Variants in ITGA8 observed in about 807,000 individuals in gnomAD.
The protein encoded by ITGA8 is integrin alpha-8.
ITGA8 carries 91 observed loss-of-function variants against 142.3 expected under a neutral mutation model. The observed-to-expected ratio is 0.64, with a 90% CI of 0.54 to 0.76. ITGA8 has a LOEUF of 0.76. Ranked by LOEUF, ITGA8 falls within the 30% of genes least tolerant of loss-of-function variation. The probability of loss-of-function intolerance (pLI) is 0.00; values close to 1 mark genes in which losing one functional copy is unlikely to be tolerated. For synonymous variants in ITGA8, 505 were observed against 485.2 expected (o/e 1.04, Z -0.54); for missense variants, 1,406 against 1,327.7 (o/e 1.06, Z -0.92).
chr10:15,680,216 C>CTTTTTTT (rs71374638), intron 4 of ITGA8, among the ~76,000 whole-genome samples: 7 of 54,274 alleles, frequency 1.3e-4, no homozygotes, highest in African/African-American at 5.8e-4. Flanking sequence ...CCAGATGCTC[C>CTTTTTTT]TTTTTTTTTT....
chr10:15,671,530 G>T (rs1299164584), intron 8 of ITGA8, 73 bp downstream of exon 8: 1 of 1,262,530 alleles, frequency 7.9e-7, no homozygotes, highest in Non-Finnish European at 1.2e-6. Flanking sequence ...CACATTGATA[G>T]AAAAAACTTT....
At chr10:15,593,500 A>G (rs571911228) in intron 21 of ITGA8, among the ~76,000 whole-genome samples, 11 of 152,344 alleles carry the variant, frequency 7.2e-5, no homozygotes, top group African/African-American at 2.4e-4. Flanking sequence ...TCACAGAGCT[A>G]GAATTTAAAT....
chr10:15,680,251 G>A (rs1215455795), intron 4 of ITGA8, among the ~76,000 whole-genome samples: 4 of 110,706 alleles, frequency 3.6e-5, no homozygotes, highest in Middle Eastern at 8.3e-3. Flanking sequence ...TTTTTGAGAT[G>A]GAGTCTCCCT....
rs532473205 is a variant in ITGA8, at chr10:15,650,156, C to A, written c.1002-3105G>T. On this transcript the variant is annotated intron_variant, in intron 11 of 29. Transcript: ENST00000378076. ...ATGGAGGAACCTCAAATATACATTG[C>A]TCAGTTAAAGAAGCCAATCTGAAAA... Among the ~76,000 whole-genome samples, 3 of 152,214 alleles carry A rather than the reference C, an allele frequency of 2.0e-5. No homozygotes were observed. The South Asian group carries it at 6.2e-4, about 32-fold the overall frequency.
At chr10:15,543,743 C>T (rs1342229131) in intron 27 of ITGA8, among the ~76,000 whole-genome samples, 1 of 152,138 alleles carries the variant, frequency 6.6e-6, no homozygotes, top group Non-Finnish European at 1.5e-5. Flanking sequence ...TGAATAATGT[C>T]TTACCCAAAT....
In ITGA8 at chr10:15,515,708, A is replaced by T. The variant is rs1456052347; in HGVS notation, c.*1450T>A. On this transcript the variant is annotated 3_prime_UTR_variant, in exon 30 of 30. Transcript: ENST00000378076. Reference sequence around the variant, plus strand: ...CAGTATTTCTTCATAGTAATTTTTCATTATTAAAAAAGGATACAAAATTGT... The same window carrying T: ...CAGTATTTCTTCATAGTAATTTTTCTTTATTAAAAAAGGATACAAAATTGT... The T allele has an allele frequency of 6.6e-6, 1 of 152,176 alleles. No homozygotes were observed. The highest frequency in any genetic ancestry group is 6.5e-5 in the Admixed American group (1 of 15,270). 9.4% of individuals were successfully genotyped at this position (152,176 alleles called of 1,614,324 possible). A position where few individuals can be genotyped will look rare whatever the true frequency, so the allele number is the denominator to read the frequency against.
intron 4 of ITGA8, among the ~76,000 whole-genome samples, chr10:15,679,118 G>T (rs1198705127): frequency 6.6e-6 from 1 of 152,018 alleles, no homozygotes; most frequent in Admixed American, 6.6e-5. Context: ...AGGCAATAAC[G>T]TGTCTCTCTT....
chr10:15,552,285 C>T (rs1833804935), intron 26 of ITGA8, among the ~76,000 whole-genome samples: 2 of 152,046 alleles, frequency 1.3e-5, no homozygotes, highest in African/African-American at 2.4e-5. Flanking sequence ...TACAGGCGTC[C>T]GCCACCAGGC....
At chr10:15,685,074 G>A (rs1004255392) in intron 3 of ITGA8, among the ~76,000 whole-genome samples, 2 of 152,178 alleles carry the variant, frequency 1.3e-5, no homozygotes, top group Non-Finnish European at 2.9e-5. Flanking sequence ...TCTTATGCCT[G>A]TTTTAGCAAT....
At chr10:15,580,472 T>C (rs79610226) in intron 23 of ITGA8, among the ~76,000 whole-genome samples, 1,710 of 152,220 alleles carry the variant, frequency 0.011, 45 homozygotes, top group African/African-American at 0.039. Context: ...AAAAAGATAT[T>C]GCGAGAAAGG....
intron 3 of ITGA8, among the ~76,000 whole-genome samples, chr10:15,686,311 TC>T (rs1477723897): frequency 6.6e-6 from 1 of 152,228 alleles, no homozygotes; most frequent in Admixed American, 6.5e-5. Context: ...CCCAAAACTC[TC>T]TAACTCTTCT....
chr10:15,658,318 A>C, intron 10 of ITGA8, among the ~76,000 whole-genome samples: 1 of 152,110 alleles, frequency 6.6e-6, no homozygotes. Context: ...TCTTACATCA[A>C]AACCTTCAGG....
intron 2 of ITGA8, among the ~76,000 whole-genome samples, chr10:15,717,783 C>T (rs1449738255): frequency 6.6e-6 from 1 of 152,068 alleles, no homozygotes. Flanking sequence ...ATAAAAGATA[C>T]AAATTATAGT....
intron 27 of ITGA8, among the ~76,000 whole-genome samples, chr10:15,538,375 G>A (rs1394174013): frequency 6.6e-6 from 1 of 152,068 alleles, no homozygotes; most frequent in Admixed American, 6.5e-5. Flanking sequence ...AGCTGGGCAT[G>A]ATGGCGGGTG....
Position 15,524,629 on chromosome 10 carries a change from C to G in ITGA8, c.2983-5217G>C, listed in dbSNP as rs976910715. 2.6e-5 allele frequency among the ~76,000 whole-genome samples: 4 copies of G among 152,258 alleles called. No individual in the cohort carries two copies. In the East Asian group the frequency reaches 7.7e-4, roughly 29 times the overall value. ...CATGTGCAGGTGGAAACCAGTAAAG[C>G]AAAGCTTTTCCTGAAACTCCACGCT... is the stretch of plus-strand genomic sequence containing the variant. On this transcript the variant is annotated intron_variant, in intron 28 of 29. Coordinates refer to ENST00000378076, the MANE Select transcript of ITGA8 (RefSeq NM_003638.3).
chr10:15,535,259 G>A (rs1193353416), intron 27 of ITGA8, among the ~76,000 whole-genome samples: 5 of 152,050 alleles, frequency 3.3e-5, no homozygotes, highest in Non-Finnish European at 7.4e-5. Context: ...CCTCCCTGAC[G>A]CGCACCGCCC....
At chr10:15,555,543 A>G (rs2083032584) in intron 26 of ITGA8, among the ~76,000 whole-genome samples, 1 of 152,166 alleles carries the variant, frequency 6.6e-6, no homozygotes, top group South Asian at 2.1e-4. Context: ...AGCCATTCAC[A>G]GTTTCCGGGA....
At chr10:15,608,425 C>CA in intron 15 of ITGA8, 135 bp from the exon 16 acceptor site, 3 of 379,910 alleles carry the variant, frequency 7.9e-6, no homozygotes, top group Non-Finnish European at 9.4e-6. Context: ...ACACACACAC[C>CA]CACACACACA....
At chr10:15,539,898 C>A (rs976806115) in intron 27 of ITGA8, among the ~76,000 whole-genome samples, 1 of 152,146 alleles carries the variant, frequency 6.6e-6, no homozygotes, top group African/African-American at 2.4e-5. Context: ...AATTGAATCA[C>A]AGGGTGATTT....
Sources: gnomAD v4.1 joint callset for allele counts (sites outside exome capture counted in the v4.1 genomes callset) on GRCh38, gnomAD v4.1.1 for gene constraint, MANE v1.5 for transcripts, NCBI Gene and HGNC (gene_info 2026-07-23, HGNC 2026-07-21) for gene names.